The following TTLL4 variants were observed in gnomAD, a reference collection of about 807,000 sequenced individuals.
TTLL4 encodes tubulin monoglutamylase TTLL4.
TTLL4 carries 85 observed loss-of-function variants against 122.7 expected under a neutral mutation model. The observed-to-expected ratio is 0.69, with a 90% confidence interval of 0.58 to 0.83. TTLL4 has a LOEUF of 0.83. TTLL4 is among the 40% of genes least tolerant of loss of function. The probability of loss-of-function intolerance (pLI) is 0.00; values close to 1 mark genes in which losing one functional copy is unlikely to be tolerated. For synonymous variants in TTLL4, 553 were observed against 563.0 expected, an observed-to-expected ratio of 0.98 and a Z score of 0.25; for missense variants, 1,363 against 1,488.6, an observed-to-expected ratio of 0.92 and a Z score of 1.39.
At chr2:218,749,075 T>C (rs1942943148) in intron 13 of TTLL4, 141 bp downstream of exon 13, 1 of 1,245,256 alleles carries the variant, frequency 8.0e-7, no homozygotes, top group Non-Finnish European at 1.1e-6. Context: ...TGGCCAGAGT[T>C]AAGTTCTAAT....
In TTLL4 at chr2:218,747,107, C is replaced by A; in HGVS notation, c.2079C>A (p.Phe693Leu). ...TTGGCAAGAAGGAGTTCAGTTTCTTCCCCCAGTCCTTTATCCTGCCCCAGG... is the reference window on the plus strand; with the variant it reads ...TTGGCAAGAAGGAGTTCAGTTTCTTACCCCAGTCCTTTATCCTGCCCCAGG... ...SRFGKKEFSF[F>L]PQSFILPQDA... Residue 693 changes from phenylalanine to leucine, a missense_variant, in exon 9 of 20, where the codon TTC becomes TTA. Physicochemically the swap from Phe to Leu is conservative, Grantham distance 22 (BLOSUM62 0). Coordinates refer to ENST00000392102, the MANE Select transcript of TTLL4 (RefSeq NM_014640.5). This position sits in a 1 kb window ranked among gnomAD's most constrained non-coding sequence, Gnocchi z 4.7. The A allele has an allele frequency of 6.2e-7, 1 of 1,614,198 alleles. No individual in the cohort carries two copies. The highest frequency in any genetic ancestry group is 8.5e-7 in the Non-Finnish European group (1 of 1,180,036).
At chr2:218,730,352 A>C (rs1942343457) in intron 2 of TTLL4, among the ~76,000 whole-genome samples, 1 of 140,710 alleles carries the variant, frequency 7.1e-6, no homozygotes, top group African/African-American at 2.7e-5. Flanking sequence ...AAAAAAAAGA[A>C]AAAAAATTAG....
rs780843495 is a variant in TTLL4, at chr2:218,754,144, T to A, written c.3355T>A (p.Ser1119Thr). 6.2e-6 allele frequency: 10 copies of A among 1,613,954 alleles called. No homozygotes were observed. The highest frequency in any genetic ancestry group is 7.6e-6 in the Non-Finnish European group (9 of 1,180,026). Reference protein sequence around the residue: ...SETSKLGKQSSCEVSLLLSED... With the variant: ...SETSKLGKQSTCEVSLLLSED... ...ACCTATTCCCTCCAGAAAACAAAGCTCCTGTGAGGTTAGCCTACTACTCTC... is the reference window on the plus strand; with the variant it reads ...ACCTATTCCCTCCAGAAAACAAAGCACCTGTGAGGTTAGCCTACTACTCTC... Residue 1119 changes from serine (S) to threonine (T), a missense_variant, in exon 20 of 20, where the codon TCC becomes ACC. Coordinates refer to ENST00000392102, the MANE Select transcript of TTLL4 (RefSeq NM_014640.5).
At chr2:218,733,873 A>G (rs186854183) in intron 2 of TTLL4, among the ~76,000 whole-genome samples, 1 of 152,346 alleles carries the variant, frequency 6.6e-6, no homozygotes, top group East Asian at 1.9e-4. Flanking sequence ...ATGTGTGTGC[A>G]AAAGGAAGTG....
Position 218,729,765 on chromosome 2 carries a change from A to AC in TTLL4, c.-99+2418_-99+2419insC, listed in dbSNP as rs1942309860. ...TCTCTTTTTAAAAAAAAAAAAAACA[A>AC]AAAAAAAAAAAACAGGATCTTATTC... On this transcript the variant is annotated intron_variant, in intron 2 of 19. Coordinates refer to ENST00000392102, the MANE Select transcript of TTLL4 (RefSeq NM_014640.5). Among the ~76,000 whole-genome samples the AC allele has an allele frequency of 1.5e-3, 162 of 109,560 alleles. 1 individual carries two copies. The South Asian group carries it at 0.02, about 14-fold the overall frequency. 71.9% of individuals were successfully genotyped at this position (109,560 alleles called of 152,430 possible). A position where few individuals can be genotyped will look rare whatever the true frequency, so the allele number is the denominator to read the frequency against.
intron 2 of TTLL4, among the ~76,000 whole-genome samples, chr2:218,732,051 A>G (rs1292537703): frequency 6.6e-6 from 1 of 152,206 alleles, no homozygotes; most frequent in African/African-American, 2.4e-5. Flanking sequence ...GGTGAGGTCA[A>G]TTTATTGGCC....
At chr2:218,746,335 A>T (rs996763928) in intron 8 of TTLL4, 104 bp downstream of exon 8, 1 of 1,291,870 alleles carries the variant, frequency 7.7e-7, no homozygotes, top group Non-Finnish European at 1.1e-6. Context: ...GATGATGACC[A>T]TGGAGAAGTC....
chr2:218,753,311 T>A, intron 18 of TTLL4, 126 bp downstream of exon 18: 1 of 1,075,872 alleles, frequency 9.3e-7, no homozygotes, highest in Non-Finnish European at 1.4e-6. Context: ...TCTGCTTCTG[T>A]CTCACCATTC....
chr2:218,747,030 A>C lies in TTLL4; in HGVS notation c.2002A>C (p.Ile668Leu), dbSNP rs1229744536. The C allele has an allele frequency of 1.9e-6, 3 of 1,614,042 alleles. No individual in the cohort carries two copies. In the African/African-American group the frequency reaches 4.0e-5, roughly 22 times the overall value. ...KLNHFPGSFQ[I>L]GRKDRLWRNL... ...AAACCATTTCCCAGGCTCATTCCAG[A>C]TTGGGAGGAAGGACCGGCTATGGCG... Residue 668 changes from isoleucine to leucine, a missense_variant, in exon 9 of 20, where the codon ATT (isoleucine) becomes CTT (leucine). Coordinates refer to ENST00000392102, the MANE Select transcript of TTLL4 (RefSeq NM_014640.5). This position sits in a 1 kb window ranked among gnomAD's most constrained non-coding sequence, Gnocchi z 4.7.
Position 218,721,485 on chromosome 2 carries a change from T to C in TTLL4, c.-177-5784T>C, listed in dbSNP as rs548588849. On this transcript the variant is annotated intron_variant, in intron 1 of 19. Coordinates refer to ENST00000392102, the MANE Select transcript of TTLL4 (RefSeq NM_014640.5). ...TACTGAGCCCTTAACCTGTGAGATC[T>C]GATGCTATCTTTAGGTAAATAGTGT... is the stretch of plus-strand genomic sequence containing the variant. Among the ~76,000 whole-genome samples the C allele has an allele frequency of 2.0e-5, 3 of 152,346 alleles. No homozygotes were observed. The South Asian group carries it at 6.2e-4, about 32-fold the overall frequency.
chr2:218,733,266 A>G (rs1298210114), intron 2 of TTLL4, among the ~76,000 whole-genome samples: 2 of 152,174 alleles, frequency 1.3e-5, no homozygotes, highest in Non-Finnish European at 2.9e-5. Context: ...TGGGTGATTT[A>G]TAAAGAAAAG....
rs1942560558 is a variant in TTLL4 at position 218,737,591 on chromosome 2, C to T, written c.-86C>T. 2 of 1,450,140 alleles carry T rather than the reference C, an allele frequency of 1.4e-6. No homozygotes were observed. Among genetic ancestry groups the T allele is most frequent in the Non-Finnish European group, 9.3e-7 (1 of 1,074,922 alleles). The allele number at this position is 1,450,140 out of a possible 1,614,324, so 89.8% of individuals were successfully genotyped here. A position where few individuals can be genotyped will look rare whatever the true frequency, so the allele number is the denominator to read the frequency against. On this transcript the variant is annotated 5_prime_UTR_variant, in exon 3 of 20. Coordinates refer to ENST00000392102, the MANE Select transcript of TTLL4 (RefSeq NM_014640.5). Reference sequence around the variant, plus strand: ...CTCTCCACTTCAGACTGACAGACTTCAAGGATGCAGCTGCTACTACCGGAG... The same window carrying T: ...CTCTCCACTTCAGACTGACAGACTTTAAGGATGCAGCTGCTACTACCGGAG...
chr2:218,731,301 C>A (rs1942376267), intron 2 of TTLL4, among the ~76,000 whole-genome samples: 1 of 151,688 alleles, frequency 6.6e-6, no homozygotes, highest in African/African-American at 2.4e-5. Context: ...ATCCCAGCTA[C>A]TTGGAAGGCT....
At chr2:218,743,740 C>T (rs753716493) in intron 5 of TTLL4, among the ~76,000 whole-genome samples, 29 of 152,142 alleles carry the variant, frequency 1.9e-4, no homozygotes, top group Admixed American at 3.9e-4. Flanking sequence ...AGTGCAATGG[C>T]GTGATCTTGG....
Position 218,747,529 on chromosome 2 carries a change from C to T in TTLL4, c.2250-68C>T. ...CTTGGGGACTGTTAGCTGGCTTTTC[C>T]TGTGGCTTGGTTACCCACTGAGCCC... On this transcript the variant is annotated intron_variant, in intron 10 of 19. Coordinates refer to ENST00000392102, the MANE Select transcript of TTLL4 (RefSeq NM_014640.5). The surrounding 1 kb of genome is among the most constrained non-coding windows in gnomAD (Gnocchi z 4.7). 1 of 1,593,764 alleles carries T rather than the reference C, an allele frequency of 6.3e-7. No individual in the cohort carries two copies. The highest frequency in any genetic ancestry group is 8.6e-7 in the Non-Finnish European group (1 of 1,169,518).
In TTLL4 at chr2:218,737,900, C is replaced by T; in HGVS notation, c.224C>T (p.Pro75Leu). ...TTGGGCCCAGGCCTCTTGGGCGTCC[C>T]ACCCCAGCCAGCATATTTCTTTTGC... Reference protein sequence around the residue: ...AGLGPGLLGVPPQPAYFFCPS... With the variant: ...AGLGPGLLGVLPQPAYFFCPS... Residue 75 changes from proline (P) to leucine (L), a missense_variant, in exon 3 of 20, where the codon CCA becomes CTA. Pro to Leu is a moderately conservative substitution (Grantham distance 98). Transcript: ENST00000392102. 6.2e-7 allele frequency: 1 copy of T among 1,614,196 alleles called. No individual in the cohort carries two copies. Among genetic ancestry groups the T allele is most frequent in the Non-Finnish European group, 8.5e-7 (1 of 1,180,040 alleles).
chr2:218,717,382 A>G (rs1941893747), intron 1 of TTLL4, among the ~76,000 whole-genome samples: 1 of 152,260 alleles, frequency 6.6e-6, no homozygotes, highest in South Asian at 2.1e-4. Flanking sequence ...CCCACCTGAG[A>G]AGGAGGAAAG....
chr2:218,752,691 C>G, intron 16 of TTLL4, 72 bp from the exon 17 acceptor site: 1 of 1,556,286 alleles, frequency 6.4e-7, no homozygotes, highest in Non-Finnish European at 8.8e-7. Context: ...TCCCTGTTCC[C>G]CAGCTTCTTG....
At chr2:218,744,375 A>C (rs1302997046) in intron 5 of TTLL4, among the ~76,000 whole-genome samples, 1 of 152,184 alleles carries the variant, frequency 6.6e-6, no homozygotes, top group African/African-American at 2.4e-5. Flanking sequence ...TGTACCTGAC[A>C]GGTAGTTGAT....
Sources: gnomAD v4.1 joint callset for allele counts (sites outside exome capture counted in the v4.1 genomes callset) on GRCh38, gnomAD v4.1.1 for gene constraint, Gnocchi (gnomAD v3.1) non-coding constraint, MANE v1.5 for transcripts, NCBI Gene and HGNC (gene_info 2026-07-23, HGNC 2026-07-21) for gene names.